The following ERO1B variants were observed in gnomAD, a reference collection of about 807,000 sequenced individuals.
The protein encoded by ERO1B is ERO1-like protein beta.
Under a neutral mutation model 75.3 loss-of-function variants are expected in ERO1B, and 49 were observed. The ratio of observed to expected loss-of-function variants is 0.65; its 90% confidence interval spans 0.52 to 0.83. The LOEUF (loss-of-function observed/expected upper bound fraction) is 0.83. Among genes scored for constraint, ERO1B ranks in the 40% least tolerant of loss-of-function variants. ERO1B has a pLI of 0.00. For synonymous variants in ERO1B, 191 were observed against 192.9 expected (o/e 0.99, Z 0.08); for missense variants, 512 against 560.1 (o/e 0.91, Z 0.87).
intron 2 of ERO1B, among the ~76,000 whole-genome samples, chr1:236,262,111 C>T (rs1197645362): frequency 6.6e-6 from 1 of 152,170 alleles, no homozygotes; most frequent in Non-Finnish European, 1.5e-5. Context: ...ATCAAAACAG[C>T]ATGGTACTGG....
chr1:236,236,430 A>C, intron 6 of ERO1B, 32 bp from the exon 7 acceptor site: 1 of 1,609,504 alleles, frequency 6.2e-7, no homozygotes, highest in Non-Finnish European at 8.5e-7. Context: ...AAAACCATCC[A>C]TATTTCACCA....
chr1:236,272,609 A>G (rs1041937117), intron 1 of ERO1B, among the ~76,000 whole-genome samples: 3 of 152,190 alleles, frequency 2.0e-5, no homozygotes, highest in African/African-American at 7.2e-5. Flanking sequence ...CCATGTAACA[A>G]ACCTGCACAT....
intron 1 of ERO1B, among the ~76,000 whole-genome samples, chr1:236,279,082 A>G (rs1304671576): frequency 6.6e-6 from 1 of 152,250 alleles, no homozygotes; most frequent in South Asian, 2.1e-4. Flanking sequence ...AGGGTTCCAC[A>G]TTAGGGCTCC....
At position 236,239,871 on chromosome 1, in the gene ERO1B, G is replaced by A. The variant is rs1429774550; in HGVS notation, c.506-3473C>T. Among the ~76,000 whole-genome samples, 2,202 of 124,118 alleles carry A rather than the reference G, an allele frequency of 0.018. 160 individuals are homozygous for A. In the East Asian group the frequency reaches 0.21, roughly 12 times the overall value. 81.4% of individuals were successfully genotyped at this position (124,118 alleles called of 152,430 possible). A position where few individuals can be genotyped will look rare whatever the true frequency, so the allele number is the denominator to read the frequency against. On this transcript the variant is annotated intron_variant, in intron 6 of 15. Transcript: ENST00000354619. ...TATGTGTATATATGTATATATATAT[G>A]TGTATATGTGTGTGTGTGTGTATAT...
intron 12 of ERO1B, 47 bp downstream of exon 12, chr1:236,226,222 T>C (rs1255336663): frequency 6.3e-7 from 1 of 1,596,540 alleles, no homozygotes; most frequent in Non-Finnish European, 8.5e-7. Flanking sequence ...GCTACCTCAT[T>C]TGAATACAGA....
At chr1:236,238,540 T>A (rs1220382512) in intron 6 of ERO1B, among the ~76,000 whole-genome samples, 20 of 114,278 alleles carry the variant, frequency 1.8e-4, no homozygotes, top group African/African-American at 5.7e-4. Context: ...TTTTTTTTTT[T>A]AAAAAAAAAA....
chr1:236,241,831 G>T (rs1471361591), intron 6 of ERO1B, among the ~76,000 whole-genome samples: 1 of 152,120 alleles, frequency 6.6e-6, no homozygotes, highest in Non-Finnish European at 1.5e-5. Context: ...CACTTTGGGA[G>T]GCTGAGGCAG....
chr1:236,239,800 T>TAC (rs1664638265), intron 6 of ERO1B, among the ~76,000 whole-genome samples: 1 of 139,848 alleles, frequency 7.2e-6, no homozygotes, highest in Non-Finnish European at 1.5e-5. Context: ...TATATATATA[T>TAC]ATATATGTGT....
chr1:236,278,800 C>T (rs1219170545), intron 1 of ERO1B, among the ~76,000 whole-genome samples: 9 of 152,110 alleles, frequency 5.9e-5, no homozygotes, highest in East Asian at 1.9e-4. Flanking sequence ...TATACAAACA[C>T]GTATCATTTT....
chr1:236,259,044 T>C lies in ERO1B; in HGVS notation c.223-5539A>G, dbSNP rs568264303. ...ACAAAATATTAAAAATAAATAACTATAGCTATAATACACTATACAAACTAT... is the reference window on the plus strand; with the variant it reads ...ACAAAATATTAAAAATAAATAACTACAGCTATAATACACTATACAAACTAT... On this transcript the variant is annotated intron_variant, in intron 2 of 15. Coordinates refer to ENST00000354619, the MANE Select transcript of ERO1B (RefSeq NM_019891.4). Among the ~76,000 whole-genome samples, 10 of 152,280 alleles carry C rather than the reference T, an allele frequency of 6.6e-5. No individual in the cohort carries two copies. The South Asian group carries it at 2.1e-3, about 32-fold the overall frequency.
At chr1:236,222,525 C>CAATAA (rs5781869) in intron 13 of ERO1B, among the ~76,000 whole-genome samples, 71,164 of 151,828 alleles carry the variant, frequency 0.47, 17,370 homozygotes, top group East Asian at 0.88. Flanking sequence ...CATATTAATT[C>CAATAA]ACTTTCCACT....
intron 6 of ERO1B, 116 bp downstream of exon 6, chr1:236,243,306 C>T: frequency 1.5e-6 from 1 of 675,826 alleles, no homozygotes. Context: ...ATAATAAGGT[C>T]TACATAGCAA....
chr1:236,216,372 A>G lies in ERO1B; in HGVS notation c.*2144T>C, dbSNP rs1663976126. On this transcript the variant is annotated 3_prime_UTR_variant, in exon 16 of 16. Transcript: ENST00000354619. The stretch of plus-strand genomic sequence containing the variant: ...CAGTTTAGATCACAAGAACCATAAA[A>G]TGTCACCAGGCTCACACAATCATTT... 6.6e-6 allele frequency: 1 copy of G among 152,168 alleles called. No individual in the cohort carries two copies. Among genetic ancestry groups the G allele is most frequent in the South Asian group, 2.1e-4 (1 of 4,832 alleles). The allele number at this position is 152,168 out of a possible 1,614,324, so 9.4% of individuals were successfully genotyped here.
chr1:236,251,175 TAAAG>T (rs1239166053), intron 4 of ERO1B, among the ~76,000 whole-genome samples: 5 of 151,084 alleles, frequency 3.3e-5, no homozygotes, highest in East Asian at 2.0e-4. Flanking sequence ...GTTTGTAACC[TAAAG>T]AAATAGAAAA....
intron 15 of ERO1B, among the ~76,000 whole-genome samples, chr1:236,218,896 C>G (rs1239635867): frequency 6.6e-6 from 1 of 152,112 alleles, no homozygotes; most frequent in African/African-American, 2.4e-5. Context: ...AATGATTGCT[C>G]TTTACTCAAT....
At chr1:236,280,906 T>C (rs1007146211) in intron 1 of ERO1B, among the ~76,000 whole-genome samples, 1 of 152,198 alleles carries the variant, frequency 6.6e-6, no homozygotes, top group African/African-American at 2.4e-5. Flanking sequence ...AACACCTCTC[T>C]GAAGGCGAAA....
At chr1:236,277,369 T>C (rs1471610287) in intron 1 of ERO1B, among the ~76,000 whole-genome samples, 2 of 143,862 alleles carry the variant, frequency 1.4e-5, no homozygotes, top group Non-Finnish European at 3.0e-5. Context: ...GAGCCACTGC[T>C]CTCCAGCCTG....
rs962668203 is a variant in ERO1B at position 236,216,337 on chromosome 1, A to G, written c.*2179T>C. On this transcript the variant is annotated 3_prime_UTR_variant, in exon 16 of 16. Transcript: ENST00000354619. ...TATCACTTCACGACAAAAGATGTGA[A>G]TTGGAAAAACAGTTTAGATCACAAG... 2.0e-5 allele frequency: 3 copies of G among 152,276 alleles called. No individual in the cohort carries two copies. The East Asian group carries it at 5.8e-4, about 29-fold the overall frequency. 9.4% of individuals were successfully genotyped at this position (152,276 alleles called of 1,614,324 possible).
At chr1:236,219,403 A>G (rs1452352512) in intron 15 of ERO1B, among the ~76,000 whole-genome samples, 1 of 152,192 alleles carries the variant, frequency 6.6e-6, no homozygotes, top group Non-Finnish European at 1.5e-5. Flanking sequence ...TAGAACTAAA[A>G]CAAGAAAGGC....
Sources: gnomAD v4.1 joint callset for allele counts (sites outside exome capture counted in the v4.1 genomes callset) on GRCh38, gnomAD v4.1.1 for gene constraint, MANE v1.5 for transcripts, NCBI Gene and HGNC (gene_info 2026-07-23, HGNC 2026-07-21) for gene names.